Variants in ASZ1 observed in about 807,000 individuals in gnomAD.
The protein encoded by ASZ1 is ankyrin repeat, SAM and basic leucine zipper domain containing 1.
A neutral mutation model predicts 61.8 loss-of-function variants in ASZ1; 67 were observed. That is an observed-to-expected ratio of 1.08 (90% CI 0.89 to 1.33). The LOEUF (loss-of-function observed/expected upper bound fraction) is 1.33. Ranked by LOEUF, ASZ1 falls within the 40% of genes most tolerant of loss-of-function variation. The probability of loss-of-function intolerance (pLI) is 0.00; values close to 1 mark genes in which losing one functional copy is unlikely to be tolerated. For synonymous variants in ASZ1, 193 were observed against 192.7 expected, an observed-to-expected ratio of 1.00 and a Z score of -0.01; for missense variants, 577 against 554.5, an observed-to-expected ratio of 1.04 and a Z score of -0.41.
chr7:117,425,624 G>GT (rs34502676), intron 2 of ASZ1, among the ~76,000 whole-genome samples: 105 of 149,128 alleles, frequency 7.0e-4, no homozygotes, highest in African/African-American at 1.1e-3. Context: ...GTAATTTAAA[G>GT]TTTTTTTTTT....
At chr7:117,385,418 C>A (rs868177116) in intron 5 of ASZ1, among the ~76,000 whole-genome samples, 177 of 151,908 alleles carry the variant, frequency 1.2e-3, no homozygotes, top group African/African-American at 4.1e-3. Context: ...TGCCACCATG[C>A]CTGGCTAATT....
intron 10 of ASZ1, among the ~76,000 whole-genome samples, chr7:117,379,173 AC>A (rs1479825198): frequency 1.6e-4 from 12 of 73,124 alleles, no homozygotes; most frequent in Admixed American, 1.2e-3. Flanking sequence ...ATATATACAC[AC>A]ACACACACAC....
chr7:117,367,726 C>G (rs1280154368), intron 11 of ASZ1: 1 of 952,370 alleles, frequency 1.1e-6, no homozygotes, highest in Non-Finnish European at 1.3e-6. Context: ...TTATGATGAA[C>G]AAATCAGTTC....
At chr7:117,381,890 T>C (rs1796260966) in intron 8 of ASZ1, among the ~76,000 whole-genome samples, 179 bp downstream of exon 8, 1 of 152,182 alleles carries the variant, frequency 6.6e-6, no homozygotes, top group Non-Finnish European at 1.5e-5. Flanking sequence ...TGTAAATTTC[T>C]AGAATAATAC....
chr7:117,423,465 A>G lies in ASZ1; in HGVS notation c.206-1106T>C, dbSNP rs144665074. Among the ~76,000 whole-genome samples the G allele has an allele frequency of 4.7e-3, 711 of 152,222 alleles. 10 individuals carry two copies. The highest frequency in any genetic ancestry group is 0.015 in the African/African-American group (608 of 41,530). On this transcript the variant is annotated intron_variant, in intron 2 of 12. Transcript: ENST00000284629. Reference sequence around the variant, plus strand: ...CTTTGATTGAAAGCTTATCAATGAGATCAGAGAAAAGATCATTGTTTTCTC... The same window carrying G: ...CTTTGATTGAAAGCTTATCAATGAGGTCAGAGAAAAGATCATTGTTTTCTC...
chr7:117,398,146 A>C (rs1224691066), intron 4 of ASZ1, among the ~76,000 whole-genome samples: 1 of 152,130 alleles, frequency 6.6e-6, no homozygotes, highest in African/African-American at 2.4e-5. Context: ...TCTGCTTAAA[A>C]CACTCCTATC....
intron 4 of ASZ1, among the ~76,000 whole-genome samples, chr7:117,390,167 G>C (rs1554362311): frequency 1.6e-5 from 2 of 124,628 alleles, no homozygotes; most frequent in Non-Finnish European, 1.6e-5. Context: ...CTATATCTTT[G>C]TAACAGTGGG....
chr7:117,413,654 G>A (rs868820966), intron 4 of ASZ1, among the ~76,000 whole-genome samples: 2 of 151,694 alleles, frequency 1.3e-5, no homozygotes, highest in South Asian at 4.1e-4. Context: ...GATGGAAAAT[G>A]AAAAAATAAA....
intron 10 of ASZ1, among the ~76,000 whole-genome samples, chr7:117,369,968 T>C (rs1460640213): frequency 6.6e-6 from 1 of 152,080 alleles, no homozygotes; most frequent in Non-Finnish European, 1.5e-5. Flanking sequence ...GAAAACAATG[T>C]ACATAAAGTA....
chr7:117,405,447 G>A (rs550640336), intron 4 of ASZ1, among the ~76,000 whole-genome samples: 3 of 152,306 alleles, frequency 2.0e-5, no homozygotes, highest in African/African-American at 4.8e-5. Context: ...ATGAACTATG[G>A]CTATCACAGC....
At position 117,367,277 on chromosome 7, in the gene ASZ1, G is replaced by A. The variant is rs541234914; in HGVS notation, c.1275+75C>T. On this transcript the variant is annotated intron_variant, in intron 12 of 12. Coordinates refer to ENST00000284629, the MANE Select transcript of ASZ1 (RefSeq NM_130768.3). ...TCCATTTGTTGCTCTTACCAGAACT[G>A]CTTCATTGTCTAACACCTTTTGCTG... The A allele has an allele frequency of 1.0e-4, 118 of 1,146,128 alleles. No individual in the cohort carries two copies. In the South Asian group the frequency reaches 3.3e-3, roughly 32 times the overall value. The allele number at this position is 1,146,128 out of a possible 1,614,324, so 71.0% of individuals were successfully genotyped here. A position where few individuals can be genotyped will look rare whatever the true frequency, so the allele number is the denominator to read the frequency against.
intron 10 of ASZ1, among the ~76,000 whole-genome samples, chr7:117,370,737 G>A (rs1346309478): frequency 6.6e-6 from 1 of 151,876 alleles, no homozygotes; most frequent in Non-Finnish European, 1.5e-5. Flanking sequence ...CCTTTCTGGG[G>A]AGTCCTTTAA....
In ASZ1 at chr7:117,420,917, A is replaced by C. The variant is rs1405150617; in HGVS notation, c.329-643T>G. On this transcript the variant is annotated intron_variant, in intron 3 of 12. Transcript: ENST00000284629. ...TTCACATTAGTGGCTCAATACTGAC[A>C]GAGCATATTCTAGTCCCAGTCCTGC... Among the ~76,000 whole-genome samples, 5 of 152,354 alleles carry C rather than the reference A, an allele frequency of 3.3e-5. No individual in the cohort carries two copies. In the East Asian group the frequency reaches 7.7e-4, roughly 24 times the overall value.
intron 12 of ASZ1, among the ~76,000 whole-genome samples, chr7:117,364,799 G>A (rs889369535): frequency 3.9e-5 from 6 of 152,082 alleles, no homozygotes; most frequent in Non-Finnish European, 8.8e-5. Context: ...TTCAGCAACA[G>A]ATTCCTTTTT....
At chr7:117,415,535 T>C (rs1032573774) in intron 4 of ASZ1, among the ~76,000 whole-genome samples, 1 of 152,206 alleles carries the variant, frequency 6.6e-6, no homozygotes, top group African/African-American at 2.4e-5. Flanking sequence ...ATAATTGTTC[T>C]ATTTTATTAT....
chr7:117,364,346 C>A (rs1008297277), intron 12 of ASZ1, among the ~76,000 whole-genome samples: 16 of 152,012 alleles, frequency 1.1e-4, no homozygotes, highest in African/African-American at 2.9e-4. Context: ...GCTCCCTTCT[C>A]CCCTACCTAC....
At chr7:117,371,911 G>A (rs1323173691) in intron 10 of ASZ1, among the ~76,000 whole-genome samples, 1 of 152,138 alleles carries the variant, frequency 6.6e-6, no homozygotes, top group Non-Finnish European at 1.5e-5. Flanking sequence ...AAGATAGTAA[G>A]ACTGAGTTCA....
At chr7:117,414,271 C>T (rs1241215849) in intron 4 of ASZ1, among the ~76,000 whole-genome samples, 1 of 152,008 alleles carries the variant, frequency 6.6e-6, no homozygotes, top group Non-Finnish European at 1.5e-5. Flanking sequence ...AAGCCACTTT[C>T]AAGATGAAAG....
chr7:117,413,013 A>G (rs112785519), intron 4 of ASZ1, among the ~76,000 whole-genome samples: 2,876 of 151,978 alleles, frequency 0.019, 20 homozygotes, highest in Non-Finnish European at 0.031. Flanking sequence ...AAGTGGTAAC[A>G]TTGTTCTGTT....
Sources: gnomAD v4.1 joint callset for allele counts (sites outside exome capture counted in the v4.1 genomes callset) on GRCh38, gnomAD v4.1.1 for gene constraint, MANE v1.5 for transcripts, NCBI Gene and HGNC (gene_info 2026-07-23, HGNC 2026-07-21) for gene names.